The following ARMC6 variants were observed in gnomAD, a reference collection of about 807,000 sequenced individuals.
ARMC6 encodes armadillo repeat containing 6.
ARMC6 carries 43 observed loss-of-function variants against 49.2 expected under a neutral mutation model. That is an observed-to-expected ratio of 0.87 (90% CI 0.69 to 1.13). The LOEUF (loss-of-function observed/expected upper bound fraction) is 1.13. ARMC6 is among the 50% of genes most tolerant of loss of function. The probability of loss-of-function intolerance (pLI) is 0.00; values close to 1 mark genes in which losing one functional copy is unlikely to be tolerated. For missense variants in ARMC6, 627 were observed against 682.0 expected, an observed-to-expected ratio of 0.92 and a Z score of 0.90; for synonymous variants, 262 against 289.6, an observed-to-expected ratio of 0.90 and a Z score of 0.97.
At chr19:19,048,216 G>C (rs1450116104) in intron 4 of ARMC6, among the ~76,000 whole-genome samples, 1 of 152,130 alleles carries the variant, frequency 6.6e-6, no homozygotes, top group East Asian at 1.9e-4. Flanking sequence ...CATGGTGGCA[G>C]GTGCCTGTAA....
At chr19:19,042,593 G>GTGGT in intron 2 of ARMC6, 118 bp from the exon 3 acceptor site, 2 of 965,138 alleles carry the variant, frequency 2.1e-6, no homozygotes, top group Non-Finnish European at 3.2e-6. Flanking sequence ...TTTCTCCAGG[G>GTGGT]TGGTTGTAGG....
Position 19,055,341 on chromosome 19 carries a change from C to T in ARMC6, c.1100C>T (p.Ala367Val), listed in dbSNP as rs1183605234. 2 of 1,613,406 alleles carry T rather than the reference C, an allele frequency of 1.2e-6. No individual in the cohort carries two copies. Among genetic ancestry groups the T allele is most frequent in the Admixed American group, 1.7e-5 (1 of 59,932 alleles). Residue 367 changes from alanine (A) to valine (V), a missense_variant, in exon 7 of 9, where the codon GCT (alanine) becomes GTT (valine). Coordinates refer to ENST00000535612, the MANE Select transcript of ARMC6 (RefSeq NM_001199196.2). The surrounding 1 kb of genome is among the most constrained non-coding windows in gnomAD (Gnocchi z 5.7). ...GACGTGAAAGATGCTATTGTCCGTG[C>T]TGGTGGGACGGAGTCCATCGTGGCT... ...NDDVKDAIVR[A>V]GGTESIVAAM...
rs1316764885 is a variant in ARMC6 at position 19,055,432 on chromosome 19, G to A, written c.1155+36G>A. ...CGGGGGGCACACACAGTAGCAGGGT[G>A]GTGGCTGGAGTCCCAGTTCAGTTTC... is the stretch of plus-strand genomic sequence containing the variant. On this transcript the variant is annotated intron_variant, in intron 7 of 8. Transcript: ENST00000535612. This position sits in a 1 kb window ranked among gnomAD's most constrained non-coding sequence, Gnocchi z 5.7. The A allele has an allele frequency of 6.4e-7, 1 of 1,554,334 alleles. No homozygotes were observed.
rs556509570 is a variant in ARMC6, at chr19:19,037,613, G to A, written c.29+3375G>A. On this transcript the variant is annotated intron_variant, in intron 2 of 8. Transcript: ENST00000535612. ...ACTCCTGGCCTCATGTGATCCTTCC[G>A]CCTCGGCCTCCCAAAGTGCAGGCCA... The A allele has an allele frequency of 6.2e-5, 77 of 1,242,606 alleles. No individual in the cohort carries two copies. In the African/African-American group the frequency reaches 8.2e-4, roughly 13 times the overall value. The allele number at this position is 1,242,606 out of a possible 1,614,324, so 77.0% of individuals were successfully genotyped here.
chr19:19,040,842 T>A (rs749994109), intron 2 of ARMC6: 6 of 382,958 alleles, frequency 1.6e-5, no homozygotes, highest in South Asian at 1.1e-4. Context: ...GTACTGGATT[T>A]TTTTTTAATG....
In ARMC6 at chr19:19,042,465, C is replaced by T. The variant is rs951387203; in HGVS notation, c.30-246C>T. On this transcript the variant is annotated intron_variant, in intron 2 of 8. Transcript: ENST00000535612. ...CCAGGCTCAAGTGATCCTCCCACCT[C>T]GGCCTCTCAGAGTGCCGGGATTACA... 5.9e-5 allele frequency among the ~76,000 whole-genome samples: 9 copies of T among 152,280 alleles called. No individual in the cohort carries two copies. In the South Asian group the frequency reaches 8.3e-4, roughly 14 times the overall value.
chr19:19,052,543 C>T (rs1389951533), intron 5 of ARMC6, among the ~76,000 whole-genome samples: 1 of 152,172 alleles, frequency 6.6e-6, no homozygotes, highest in Non-Finnish European at 1.5e-5. Flanking sequence ...GGCTGGCATG[C>T]ACCATGGCAG....
In ARMC6 at chr19:19,057,480, T is replaced by C; in HGVS notation, c.1358T>C (p.Leu453Pro). Reference protein sequence around the residue: ...AHGQAFSKPILDLGAEALIMQ... With the variant: ...AHGQAFSKPIPDLGAEALIMQ... The stretch of plus-strand genomic sequence containing the variant: ...GGCCAGGCCTTCTCGAAGCCCATCC[T>C]GGACCTGGGGGCTGAGGCACTCATC... The change falls in exon 9 of 9, where the codon CTG becomes CCG. Residue 453 changes from leucine (L) to proline (P), a missense_variant. Transcript: ENST00000535612. The C allele has an allele frequency of 6.2e-7, 1 of 1,614,132 alleles. No homozygotes were observed. The highest frequency in any genetic ancestry group is 8.5e-7 in the Non-Finnish European group (1 of 1,180,028).
chr19:19,055,399 AC>A lies in ARMC6; in HGVS notation c.1155+6del. On this transcript the variant is annotated splice_donor_region_variant and intron_variant, in intron 7 of 8. Coordinates refer to ENST00000535612, the MANE Select transcript of ARMC6 (RefSeq NM_001199196.2). The surrounding 1 kb of genome is among the most constrained non-coding windows in gnomAD (Gnocchi z 5.7). ...CCCAGCATCTGACCAGCCCCCAGGTACCCACCTCGGGGGGCACACACAGTAG... is the reference window on the plus strand; with the variant it reads ...CCCAGCATCTGACCAGCCCCCAGGTACCACCTCGGGGGGCACACACAGTAG... 6.3e-7 allele frequency: 1 copy of A among 1,598,668 alleles called. No individual in the cohort carries two copies. Among genetic ancestry groups the A allele is most frequent in the Non-Finnish European group, 8.5e-7 (1 of 1,172,692 alleles).
chr19:19,033,972 G>A (rs1159956090), intron 1 of ARMC6, 42 bp downstream of exon 1: 7 of 531,598 alleles, frequency 1.3e-5, no homozygotes, highest in Admixed American at 9.7e-5. Context: ...GCGCGGAGTG[G>A]GGAGTGGGGG....
intron 8 of ARMC6, among the ~76,000 whole-genome samples, chr19:19,056,842 T>A (rs1452907136): frequency 6.6e-6 from 1 of 152,198 alleles, no homozygotes; most frequent in Non-Finnish European, 1.5e-5. Context: ...GCTCTTACTC[T>A]GGGACACTGA....
chr19:19,041,125 A>G (rs59094007), intron 2 of ARMC6, among the ~76,000 whole-genome samples: 7,846 of 151,402 alleles, frequency 0.052, 237 homozygotes, highest in Middle Eastern at 0.11. Context: ...TGAGCCACCT[A>G]GCCCTGGCCC....
At chr19:19,047,273 A>G (rs2059459674) in intron 4 of ARMC6, among the ~76,000 whole-genome samples, 2 of 152,154 alleles carry the variant, frequency 1.3e-5, no homozygotes, top group Admixed American at 6.5e-5. Context: ...GTCAGTTCGC[A>G]ACTGAACCAA....
intron 2 of ARMC6, among the ~76,000 whole-genome samples, chr19:19,036,516 T>C (rs1484860511): frequency 3.3e-5 from 5 of 152,226 alleles, no homozygotes; most frequent in Admixed American, 6.5e-5. Flanking sequence ...GTAAAGATCT[T>C]GAGGGCCACA....
rs1362709586 is a variant in ARMC6 at position 19,057,561 on chromosome 19, G to A, written c.1439G>A (p.Arg480Gln). Residue 480 changes from arginine (R) to glutamine (Q), a missense_variant, in exon 9 of 9, where the codon CGG becomes CAG. Transcript: ENST00000535612. ...GAGGACGTGGCCAAGGCCGCCCTGC[G>A]GGACCTGGGTTGTCATGTCGAGCTC... The part of the protein sequence containing the change: ...DCEDVAKAAL[R>Q]DLGCHVELRE... 11 of 1,613,620 alleles carry A rather than the reference G, an allele frequency of 6.8e-6. No individual in the cohort carries two copies. The East Asian group carries it at 8.9e-5, about 13-fold the overall frequency.
At chr19:19,038,908 C>T (rs1390255450) in intron 2 of ARMC6, among the ~76,000 whole-genome samples, 2 of 147,778 alleles carry the variant, frequency 1.4e-5, no homozygotes, top group Non-Finnish European at 3.0e-5. Flanking sequence ...TACACACACA[C>T]ACACACACAC....
At chr19:19,054,128 C>T in intron 5 of ARMC6, 24 bp from the exon 6 acceptor site, 1 of 1,500,260 alleles carries the variant, frequency 6.7e-7, no homozygotes, top group Non-Finnish European at 8.9e-7. Context: ...CCGCCCCCAC[C>T]ACCGTCTCCC....
chr19:19,044,291 T>G lies in ARMC6; in HGVS notation c.279+217T>G, dbSNP rs2059432375. On this transcript the variant is annotated intron_variant, in intron 4 of 8. Transcript: ENST00000535612. ...TCCCAGGCTCCTGTGGTGGCATGTA[T>G]GCTGAAATCAGGTAGATGGCTTGGT... Among the ~76,000 whole-genome samples, 20 of 152,322 alleles carry G rather than the reference T, an allele frequency of 1.3e-4. No homozygotes were observed. In the South Asian group the frequency reaches 4.1e-3, roughly 32 times the overall value.
chr19:19,041,198 G>A (rs1055066965), intron 2 of ARMC6, among the ~76,000 whole-genome samples: 2 of 152,146 alleles, frequency 1.3e-5, no homozygotes, highest in Admixed American at 1.3e-4. Context: ...CAGTGCTCCT[G>A]TGCTGTCATT....
Sources: gnomAD v4.1 joint callset for allele counts (sites outside exome capture counted in the v4.1 genomes callset) on GRCh38, gnomAD v4.1.1 for gene constraint, Gnocchi (gnomAD v3.1) non-coding constraint, MANE v1.5 for transcripts, NCBI Gene and HGNC (gene_info 2026-07-23, HGNC 2026-07-21) for gene names.